MTUS1: variants seen among roughly 807,000 people sequenced by gnomAD.
MTUS1 encodes microtubule-associated tumor suppressor 1.
Under a neutral mutation model 120.8 loss-of-function variants are expected in MTUS1, and 109 were observed. That is an observed-to-expected ratio of 0.90 (90% CI 0.77 to 1.06). The LOEUF (loss-of-function observed/expected upper bound fraction) is 1.06, where lower values mean the gene tolerates loss of function less well. MTUS1 is among the 50% of genes least tolerant of loss of function. The probability of loss-of-function intolerance (pLI) is 0.00; values close to 1 mark genes in which losing one functional copy is unlikely to be tolerated. For missense variants in MTUS1, 2,210 were observed against 1,486.3 expected, an observed-to-expected ratio of 1.49 and a Z score of -8.01; for synonymous variants, 737 against 550.5, an observed-to-expected ratio of 1.34 and a Z score of -4.74.
chr8:17,751,830 C>A (rs1274175911), intron 2 of MTUS1, among the ~76,000 whole-genome samples: 1 of 144,912 alleles, frequency 6.9e-6, no homozygotes, highest in Non-Finnish European at 1.5e-5. Flanking sequence ...TGCACTCCAG[C>A]CTGGCGAAAG....
intron 1 of MTUS1, among the ~76,000 whole-genome samples, chr8:17,790,935 C>T (rs1189974818): frequency 5.9e-5 from 9 of 151,988 alleles, no homozygotes; most frequent in African/African-American, 1.2e-4. Context: ...TGCAGTCAGC[C>T]GGATCGTACC....
At chr8:17,723,453 G>A (rs1295944439) in intron 4 of MTUS1, 2 of 593,826 alleles carry the variant, frequency 3.4e-6, no homozygotes, top group Non-Finnish European at 6.1e-6. Flanking sequence ...ATGCACTTTC[G>A]AATCCTTCAT....
intron 2 of MTUS1, among the ~76,000 whole-genome samples, chr8:17,752,285 A>C (rs897690869): frequency 6.6e-6 from 1 of 152,270 alleles, no homozygotes; most frequent in East Asian, 1.9e-4. Context: ...AGTCTCCCAT[A>C]AATCAAGAGA....
At chr8:17,782,789 G>A (rs1455749674) in intron 1 of MTUS1, among the ~76,000 whole-genome samples, 1 of 152,106 alleles carries the variant, frequency 6.6e-6, no homozygotes, top group African/African-American at 2.4e-5. Context: ...AAGACCTTAT[G>A]AAACCTGGCC....
intron 1 of MTUS1, among the ~76,000 whole-genome samples, chr8:17,760,660 C>T (rs991502760): frequency 1.1e-4 from 17 of 152,122 alleles, no homozygotes; most frequent in Admixed American, 8.5e-4. Flanking sequence ...ATATTCTTTG[C>T]CTTCATCTCA....
intron 6 of MTUS1, among the ~76,000 whole-genome samples, chr8:17,694,105 T>A (rs1215190368): frequency 6.6e-6 from 1 of 152,222 alleles, no homozygotes; most frequent in Non-Finnish European, 1.5e-5. Context: ...TGTGGTTTTT[T>A]AAATAGAGAC....
intron 3 of MTUS1, among the ~76,000 whole-genome samples, chr8:17,733,182 C>T (rs139364240): frequency 0.013 from 1,905 of 152,174 alleles, 36 homozygotes; most frequent in African/African-American, 0.043. Flanking sequence ...GAAACCCTGT[C>T]TCTACTAAGA....
At chr8:17,798,955 T>A (rs1456500915) in intron 1 of MTUS1, among the ~76,000 whole-genome samples, 1 of 152,032 alleles carries the variant, frequency 6.6e-6, no homozygotes, top group Non-Finnish European at 1.5e-5. Flanking sequence ...AAATCATCTG[T>A]AATCAAAGAA....
At chr8:17,659,880 T>A (rs1280315116) in intron 8 of MTUS1, among the ~76,000 whole-genome samples, 2 of 152,030 alleles carry the variant, frequency 1.3e-5, no homozygotes, top group Non-Finnish European at 2.9e-5. Context: ...TAACAACCCA[T>A]CCCCTCCCCT....
chr8:17,733,315 C>A (rs1215801740), intron 3 of MTUS1, among the ~76,000 whole-genome samples: 1 of 151,170 alleles, frequency 6.6e-6, no homozygotes, highest in Admixed American at 6.6e-5. Context: ...CATGCCATTG[C>A]ACTCCAGCCT....
At chr8:17,674,410 T>C (rs34801161) in intron 8 of MTUS1, 623,305 of 938,770 alleles carry the variant, frequency 0.66, 209,760 homozygotes, top group East Asian at 0.81. Flanking sequence ...CAGAGCAAGA[T>C]TCCGTCTCAA....
intron 8 of MTUS1, among the ~76,000 whole-genome samples, chr8:17,660,730 T>A (rs956436701): frequency 6.6e-6 from 1 of 152,178 alleles, no homozygotes; most frequent in African/African-American, 2.4e-5. Flanking sequence ...GTAACAGCCA[T>A]CCTAATGAGT....
chr8:17,729,910 C>A (rs1297417467), intron 3 of MTUS1, among the ~76,000 whole-genome samples: 1 of 147,906 alleles, frequency 6.8e-6, no homozygotes, highest in Admixed American at 6.8e-5. Context: ...AGATGCTCAA[C>A]ATCACTAGTC....
At position 17,755,589 on chromosome 8, in the gene MTUS1, G is replaced by C. The variant is rs373018988; in HGVS notation, c.219C>G (p.Ser73Arg). ...GACCAAATACTTCAACACCCTGAAGGCTTAAAGAAATATTTTCACCAGTAA... is the reference window on the plus strand; with the variant it reads ...GACCAAATACTTCAACACCCTGAAGCCTTAAAGAAATATTTTCACCAGTAA... ...AVVTGENISL[S>R]LQGVEVFGHE... Residue 73 changes from serine (S) to arginine (R), a missense_variant, in exon 2 of 15, where the codon AGC (serine) becomes AGG (arginine). Ser to Arg is a moderately radical substitution (Grantham distance 110). Coordinates refer to ENST00000693296, the MANE Select transcript of MTUS1 (RefSeq NM_001363059.2). The C allele has an allele frequency of 6.8e-6, 11 of 1,613,940 alleles. No homozygotes were observed. The highest frequency in any genetic ancestry group is 5.5e-5 in the South Asian group (5 of 91,080).
chr8:17,701,710 A>G (rs57606807), intron 6 of MTUS1, among the ~76,000 whole-genome samples: 87,309 of 151,640 alleles, frequency 0.58, 25,979 homozygotes, highest in Middle Eastern at 0.72. Flanking sequence ...ACCACGCCTG[A>G]CTAATTTTTT....
chr8:17,778,251 T>C (rs1242103433), intron 1 of MTUS1, among the ~76,000 whole-genome samples: 1 of 152,164 alleles, frequency 6.6e-6, no homozygotes, highest in African/African-American at 2.4e-5. Context: ...ACACATACGC[T>C]AAGCAAAAGA....
At chr8:17,785,835 G>C (rs1434235799) in intron 1 of MTUS1, among the ~76,000 whole-genome samples, 4 of 152,150 alleles carry the variant, frequency 2.6e-5, no homozygotes, top group African/African-American at 7.2e-5. Flanking sequence ...GAAGTACTGA[G>C]AGGGCCGATG....
At position 17,650,810 on chromosome 8, in the gene MTUS1, T is replaced by C. The variant is rs1173605176; in HGVS notation, c.3385-848A>G. On this transcript the variant is annotated intron_variant, in intron 12 of 14. Transcript: ENST00000693296. ...CCACCACCGCCCACCCACTCCTTGC[T>C]TTATTCGGAAATTCAACTAAACCAT... Among the ~76,000 whole-genome samples, 5 of 152,318 alleles carry C rather than the reference T, an allele frequency of 3.3e-5. No homozygotes were observed. In the East Asian group the frequency reaches 9.6e-4, roughly 29 times the overall value.
chr8:17,733,837 C>G (rs2046756076), intron 3 of MTUS1, among the ~76,000 whole-genome samples: 1 of 152,174 alleles, frequency 6.6e-6, no homozygotes, highest in Admixed American at 6.5e-5. Flanking sequence ...GTATCTCAGT[C>G]AAGTCCTGAA....
Sources: gnomAD v4.1 joint callset for allele counts (sites outside exome capture counted in the v4.1 genomes callset) on GRCh38, gnomAD v4.1.1 for gene constraint, MANE v1.5 for transcripts, NCBI Gene and HGNC (gene_info 2026-07-23, HGNC 2026-07-21) for gene names.